The following KAZN variants were observed in gnomAD, a reference collection of about 807,000 sequenced individuals.
KAZN encodes the protein kazrin, periplakin interacting protein.
A neutral mutation model predicts 87.4 loss-of-function variants in KAZN; 40 were observed. The observed-to-expected ratio is 0.46, with a 90% CI of 0.36 to 0.60. The LOEUF (loss-of-function observed/expected upper bound fraction) is 0.60. KAZN is among the 20% of genes least tolerant of loss of function. The pLI is 0.00. For synonymous variants in KAZN, 466 were observed against 458.3 expected, an observed-to-expected ratio of 1.02 and a Z score of -0.22; for missense variants, 898 against 1,073.9, an observed-to-expected ratio of 0.84 and a Z score of 2.29.
intron 1 of KAZN, among the ~76,000 whole-genome samples, chr1:14,691,874 C>T (rs1193023350): frequency 2.6e-5 from 4 of 151,912 alleles, no homozygotes; most frequent in Admixed American, 2.0e-4. Context: ...TGATCCAGGC[C>T]ACCTGAGCAG....
intron 2 of KAZN, among the ~76,000 whole-genome samples, chr1:14,416,544 C>T (rs908024624): frequency 2.0e-5 from 3 of 152,098 alleles, no homozygotes; most frequent in African/African-American, 7.2e-5. Flanking sequence ...CAAGACAAGC[C>T]TGGTCAACAT....
intron 1 of KAZN, among the ~76,000 whole-genome samples, chr1:14,715,302 A>G (rs1292975305): frequency 3.3e-5 from 5 of 152,134 alleles, no homozygotes; most frequent in African/African-American, 1.2e-4. Flanking sequence ...GAACTTCACC[A>G]TATGCTTGTC....
intron 2 of KAZN, among the ~76,000 whole-genome samples, chr1:14,242,502 A>G (rs1649065332): frequency 6.6e-6 from 1 of 152,252 alleles, no homozygotes; most frequent in Non-Finnish European, 1.5e-5. Context: ...ATATATATGG[A>G]ATATCCACTC....
At chr1:14,140,719 C>A (rs980838340) in intron 1 of KAZN, among the ~76,000 whole-genome samples, 1 of 152,128 alleles carries the variant, frequency 6.6e-6, no homozygotes, top group East Asian at 1.9e-4. Flanking sequence ...CTGCCTCCCC[C>A]ACGAACCCCG....
chr1:14,469,860 T>G (rs904065316), intron 2 of KAZN, among the ~76,000 whole-genome samples: 1 of 141,772 alleles, frequency 7.1e-6, no homozygotes, highest in South Asian at 2.3e-4. Context: ...CTATTTGCAC[T>G]TGCCAGGTTA....
chr1:14,139,511 G>A (rs1242582595), intron 1 of KAZN, among the ~76,000 whole-genome samples: 3 of 152,172 alleles, frequency 2.0e-5, no homozygotes, highest in African/African-American at 7.2e-5. Flanking sequence ...GGGAATTTTT[G>A]TTGTTGTTCT....
chr1:14,815,877 G>A (rs995366653), intron 1 of KAZN, among the ~76,000 whole-genome samples: 1 of 152,178 alleles, frequency 6.6e-6, no homozygotes, highest in Non-Finnish European at 1.5e-5. Context: ...GGCAGATAAA[G>A]GAGATCCCAT....
At chr1:14,615,399 G>A (rs373036762) in intron 1 of KAZN, among the ~76,000 whole-genome samples, 2 of 152,136 alleles carry the variant, frequency 1.3e-5, no homozygotes, top group Admixed American at 6.5e-5. Context: ...AGGCCAAGGC[G>A]GGCAGATTAT....
chr1:14,528,958 A>AC (rs1672061341), intron 2 of KAZN, among the ~76,000 whole-genome samples: 1 of 151,572 alleles, frequency 6.6e-6, no homozygotes, highest in Non-Finnish European at 1.5e-5. Context: ...ACCTCTTCCC[A>AC]CCCCCCATTC....
intron 2 of KAZN, among the ~76,000 whole-genome samples, chr1:14,389,262 A>T (rs976259168): frequency 3.3e-5 from 5 of 152,218 alleles, no homozygotes; most frequent in African/African-American, 9.6e-5. Context: ...GGGAATATAA[A>T]CTAGTACAAT....
At chr1:14,138,941 C>G (rs1247181149) in intron 1 of KAZN, among the ~76,000 whole-genome samples, 1 of 152,138 alleles carries the variant, frequency 6.6e-6, no homozygotes, top group South Asian at 2.1e-4. Flanking sequence ...ACAAATTGTG[C>G]CAGGGCCGAT....
intron 2 of KAZN, among the ~76,000 whole-genome samples, chr1:14,459,668 C>T (rs532875497): frequency 2.0e-5 from 3 of 152,122 alleles, no homozygotes; most frequent in Admixed American, 6.5e-5. Context: ...ATGTAAGCTG[C>T]AGCAGGAGAT....
chr1:14,472,580 T>C (rs1187462608), intron 2 of KAZN, among the ~76,000 whole-genome samples: 1 of 151,860 alleles, frequency 6.6e-6, no homozygotes. Flanking sequence ...ATTCCACACA[T>C]ACCTGGAAGT....
In KAZN at chr1:14,599,252, G is replaced by T; in HGVS notation, c.226+29G>T. 1 of 1,344,066 alleles carries T rather than the reference G, an allele frequency of 7.4e-7. No homozygotes were observed. The allele number at this position is 1,344,066 out of a possible 1,614,324, so 83.3% of individuals were successfully genotyped here. ...GGATCGCCCCGGCGCCCAGGGCGGA[G>T]GAAGGCGAGCAGAGCACGCCCGGCC... On this transcript the variant is annotated intron_variant, in intron 1 of 14. Transcript: ENST00000376030. This position sits in a 1 kb window ranked among gnomAD's most constrained non-coding sequence, Gnocchi z 4.4.
Position 14,773,226 on chromosome 1 carries a change from C to T in KAZN, c.226+174003C>T, listed in dbSNP as rs4661524. ...AGGACAAAGACGGCCCCAACACTTCCGGAAGAGATCTGATACTGAGATCCC... is the reference window on the plus strand; with the variant it reads ...AGGACAAAGACGGCCCCAACACTTCTGGAAGAGATCTGATACTGAGATCCC... On this transcript the variant is annotated intron_variant, in intron 1 of 14. Coordinates refer to ENST00000376030, the MANE Select transcript of KAZN (RefSeq NM_201628.3). This position sits in a 1 kb window ranked among gnomAD's most constrained non-coding sequence, Gnocchi z 5.9. Among the ~76,000 whole-genome samples, 137,661 of 152,162 alleles carry T rather than the reference C, an allele frequency of 0.9. 62,497 individuals carry two copies. The highest frequency in any genetic ancestry group is 0.99 in the East Asian group (5,069 of 5,144).
chr1:14,612,686 G>A (rs550132344), intron 1 of KAZN, among the ~76,000 whole-genome samples: 4 of 152,134 alleles, frequency 2.6e-5, no homozygotes, highest in Non-Finnish European at 5.9e-5. Context: ...TCTTTGTTGT[G>A]GGGGCGGGGG....
At chr1:14,083,614 T>C (rs35028645) in intron 1 of KAZN, among the ~76,000 whole-genome samples, 15,106 of 152,296 alleles carry the variant, frequency 0.099, 928 homozygotes, top group East Asian at 0.13. Context: ...AAGAGTTTAT[T>C]GATATGCCTT....
chr1:14,947,023 G>C (rs535824492), intron 1 of KAZN, among the ~76,000 whole-genome samples: 2 of 152,184 alleles, frequency 1.3e-5, no homozygotes, highest in African/African-American at 4.8e-5. Flanking sequence ...CCATCTTTCC[G>C]TGGGTTCTGG....
At chr1:14,172,572 G>A (rs928843970) in intron 1 of KAZN, among the ~76,000 whole-genome samples, 6 of 152,204 alleles carry the variant, frequency 3.9e-5, no homozygotes, top group African/African-American at 7.2e-5. Flanking sequence ...CTATTGCTGT[G>A]TAACAAACCA....
Sources: gnomAD v4.1 joint callset for allele counts (sites outside exome capture counted in the v4.1 genomes callset) on GRCh38, gnomAD v4.1.1 for gene constraint, Gnocchi (gnomAD v3.1) non-coding constraint, MANE v1.5 for transcripts, NCBI Gene and HGNC (gene_info 2026-07-23, HGNC 2026-07-21) for gene names.